Variants in ANKRD44 observed in about 807,000 individuals in gnomAD.
ANKRD44 encodes ankyrin repeat domain 44.
ANKRD44 carries 35 observed loss-of-function variants against 116.0 expected under a neutral mutation model. That is an observed-to-expected ratio of 0.30 (90% CI 0.23 to 0.40). ANKRD44 has a LOEUF of 0.40. Among genes scored for constraint, ANKRD44 ranks in the 10% least tolerant of loss-of-function variants. The pLI, the probability that ANKRD44 is intolerant of heterozygous loss-of-function variation, is 1.00. For missense variants in ANKRD44, 1,014 were observed against 1,242.6 expected, an observed-to-expected ratio of 0.82 and a Z score of 2.77; for synonymous variants, 435 against 461.8, an observed-to-expected ratio of 0.94 and a Z score of 0.74.
At chr2:196,983,671 T>C (rs533659573), downstream of ANKRD44, among the ~76,000 whole-genome samples, 1 of 152,356 alleles carries the variant, frequency 6.6e-6, no homozygotes, top group African/African-American at 2.4e-5. Context: ...TTTTGAAAAT[T>C]ATAAAATTCT....
At chr2:197,109,188 G>C (rs2078507401) in intron 9 of ANKRD44, among the ~76,000 whole-genome samples, 1 of 152,156 alleles carries the variant, frequency 6.6e-6, no homozygotes, top group Admixed American at 6.5e-5. Context: ...AGTTTTGTTT[G>C]TTTTTAAAGG....
chr2:197,120,651 CAA>C, intron 8 of ANKRD44, among the ~76,000 whole-genome samples: 1 of 142,412 alleles, frequency 7.0e-6, no homozygotes, highest in Non-Finnish European at 1.5e-5. Context: ...AACTCCATCT[CAA>C]AAAAAAAAAG....
intron 16 of ANKRD44, among the ~76,000 whole-genome samples, chr2:197,039,511 C>T (rs1443446479): frequency 6.6e-6 from 1 of 152,182 alleles, no homozygotes; most frequent in Non-Finnish European, 1.5e-5. Flanking sequence ...CTAGACCATA[C>T]CTATTTAACT....
chr2:197,251,498 G>T (rs2082316202), intron 1 of ANKRD44, among the ~76,000 whole-genome samples: 1 of 152,110 alleles, frequency 6.6e-6, no homozygotes, highest in Non-Finnish European at 1.5e-5. Flanking sequence ...CTCGTTTTCT[G>T]ATATCACATC....
At chr2:197,273,470 T>C (rs13432661) in intron 1 of ANKRD44, among the ~76,000 whole-genome samples, 141 of 152,340 alleles carry the variant, frequency 9.3e-4, no homozygotes, top group African/African-American at 3.3e-3. Flanking sequence ...AAAGCCAAAA[T>C]TATTCTAACA....
At chr2:197,257,993 G>T (rs1319878263) in intron 1 of ANKRD44, among the ~76,000 whole-genome samples, 1 of 152,136 alleles carries the variant, frequency 6.6e-6, no homozygotes, top group African/African-American at 2.4e-5. Flanking sequence ...TACAATAGTT[G>T]TTCTTGCATC....
At chr2:197,305,218 AACC>A (rs1178475596) in intron 1 of ANKRD44, among the ~76,000 whole-genome samples, 4 of 152,230 alleles carry the variant, frequency 2.6e-5, no homozygotes, top group Admixed American at 1.3e-4. Flanking sequence ...AAAAACACTT[AACC>A]AATCACCAGG....
chr2:197,244,224 A>T (rs574969707), intron 1 of ANKRD44, among the ~76,000 whole-genome samples: 1 of 152,326 alleles, frequency 6.6e-6, no homozygotes, highest in South Asian at 2.1e-4. Flanking sequence ...GCAGCAACAC[A>T]AAAGGTACAG....
chr2:197,000,029 A>C (rs2076086571), intron 23 of ANKRD44, among the ~76,000 whole-genome samples: 2 of 152,228 alleles, frequency 1.3e-5, no homozygotes, highest in Non-Finnish European at 2.9e-5. Context: ...ATGTAGCTTC[A>C]AAAAGAATAT....
intron 1 of ANKRD44, among the ~76,000 whole-genome samples, chr2:197,264,509 G>A (rs760452286): frequency 3.3e-5 from 5 of 152,196 alleles, no homozygotes; most frequent in Non-Finnish European, 5.9e-5. Flanking sequence ...TAGCATCAAC[G>A]TTTTTGAGTT....
chr2:197,114,510 C>G (rs2078663718), intron 8 of ANKRD44, among the ~76,000 whole-genome samples: 1 of 152,194 alleles, frequency 6.6e-6, no homozygotes, highest in African/African-American at 2.4e-5. Context: ...AATCTTTGAA[C>G]TAAAAGCAGT....
intron 18 of ANKRD44, among the ~76,000 whole-genome samples, chr2:197,011,528 A>G (rs1422114818): frequency 6.7e-6 from 1 of 149,714 alleles, no homozygotes; most frequent in Admixed American, 6.7e-5. Context: ...GCTGGAGTGC[A>G]GTGGCGTGAA....
At chr2:197,228,083 A>C (rs980265870) in intron 1 of ANKRD44, among the ~76,000 whole-genome samples, 2 of 152,222 alleles carry the variant, frequency 1.3e-5, no homozygotes, top group Admixed American at 1.3e-4. Context: ...TAGCTGTGTC[A>C]GTTTCCCTCT....
Position 197,005,884 on chromosome 2 carries a change from C to T in ANKRD44, c.2157G>A (p.Val719=), listed in dbSNP as rs778854860. The T allele has an allele frequency of 9.9e-6, 16 of 1,614,214 alleles. No individual in the cohort carries two copies. In the East Asian group the frequency reaches 1.8e-4, roughly 18 times the overall value. The part of the protein sequence containing the change: ...RGIMTGHEEC[V]QMLLEQEVSI... ...ACACTTCTTGTTCCAGCAGCATTTGCACACATTCCTCGTGTCCTGTCATAA... is the reference window on the plus strand; with the variant it reads ...ACACTTCTTGTTCCAGCAGCATTTGTACACATTCCTCGTGTCCTGTCATAA... The change falls in exon 21 of 28, where the codon GTG becomes GTA. Residue 719 remains valine, a synonymous_variant. Coordinates refer to ENST00000282272, the MANE Select transcript of ANKRD44 (RefSeq NM_001195144.2).
rs1389867789 is a variant in ANKRD44, at chr2:197,291,409, C to T, written c.27+19169G>A. Among the ~76,000 whole-genome samples, 3 of 152,136 alleles carry T rather than the reference C, an allele frequency of 2.0e-5. No individual in the cohort carries two copies. The East Asian group carries it at 5.8e-4, about 29-fold the overall frequency. On this transcript the variant is annotated intron_variant, in intron 1 of 27. Transcript: ENST00000282272. The stretch of plus-strand genomic sequence containing the variant: ...CCTGTAATTCCAGCTACTTGGGAGG[C>T]TGAGGCAGGAGGATCACTTGAACCC...
chr2:197,132,022 ATGTT>A (rs2079108904), intron 4 of ANKRD44, among the ~76,000 whole-genome samples: 2 of 152,206 alleles, frequency 1.3e-5, no homozygotes, highest in South Asian at 4.1e-4. Context: ...TTGCTTATCT[ATGTT>A]AGCTGGCACT....
intron 10 of ANKRD44, among the ~76,000 whole-genome samples, chr2:197,093,419 A>G (rs892311327): frequency 8.5e-5 from 13 of 152,130 alleles, no homozygotes; most frequent in Non-Finnish European, 1.6e-4. Flanking sequence ...ATTTTTTTTC[A>G]CTGCTCCTTA....
chr2:197,310,707 C>T lies in ANKRD44; in HGVS notation c.-103G>A. On this transcript the variant is annotated 5_prime_UTR_variant, in exon 1 of 28. Coordinates refer to ENST00000282272, the MANE Select transcript of ANKRD44 (RefSeq NM_001195144.2). ...GGATTGCCAGGAGAAGGGAAAAAAT[C>T]TGGCTCCCGAATTTGACAGCCCTCC... 1 of 1,207,536 alleles carries T rather than the reference C, an allele frequency of 8.3e-7. No homozygotes were observed. Among genetic ancestry groups the T allele is most frequent in the Non-Finnish European group, 1.1e-6 (1 of 940,548 alleles). The allele number at this position is 1,207,536 out of a possible 1,614,324, so 74.8% of individuals were successfully genotyped here.
chr2:197,229,054 G>A (rs754290128), intron 1 of ANKRD44, among the ~76,000 whole-genome samples: 1 of 152,168 alleles, frequency 6.6e-6, no homozygotes, highest in Non-Finnish European at 1.5e-5. Context: ...AAAAAGAGCT[G>A]TTACCTGAAA....
Sources: gnomAD v4.1 joint callset for allele counts (sites outside exome capture counted in the v4.1 genomes callset) on GRCh38, gnomAD v4.1.1 for gene constraint, MANE v1.5 for transcripts, NCBI Gene and HGNC (gene_info 2026-07-23, HGNC 2026-07-21) for gene names.